NPAS4: variants seen among roughly 807,000 people sequenced by gnomAD.
The protein encoded by NPAS4 is neuronal PAS domain-containing protein 4.
In NPAS4, 10 loss-of-function variants were observed where a neutral mutation model predicts 64.0. The ratio of observed to expected loss-of-function variants is 0.16; its 90% CI spans 0.10 to 0.26. The LOEUF (loss-of-function observed/expected upper bound fraction) is 0.26, where lower values mean the gene tolerates loss of function less well. Among genes scored for constraint, NPAS4 ranks in the 10% least tolerant of loss-of-function variants. NPAS4 has a pLI of 1.00. For missense variants in NPAS4, 886 were observed against 992.6 expected, an observed-to-expected ratio of 0.89 and a Z score of 1.44; for synonymous variants, 441 against 411.7, an observed-to-expected ratio of 1.07 and a Z score of -0.86.
At chr11:66,423,532 G>C (rs1856787116) in intron 5 of NPAS4, 46 bp from the exon 6 acceptor site, 13 of 1,610,432 alleles carry the variant, frequency 8.1e-6, no homozygotes, top group Admixed American at 1.7e-5. Flanking sequence ...GGAGTAGGTA[G>C]AATTGCCTGG....
chr11:66,426,225 C>T lies in NPAS4; in HGVS notation c.*236C>T, dbSNP rs1459455912. The stretch of plus-strand genomic sequence containing the variant: ...GTTTCCATTTCAATCTGTATTCACT[C>T]GTAGTGAGTTTCCTTGAATGGGATT... On this transcript the variant is annotated 3_prime_UTR_variant, in exon 8 of 8. Coordinates refer to ENST00000311034, the MANE Select transcript of NPAS4 (RefSeq NM_178864.4). 2.1e-6 allele frequency: 1 copy of T among 479,776 alleles called. No individual in the cohort carries two copies. Among genetic ancestry groups the T allele is most frequent in the East Asian group, 3.4e-5 (1 of 29,082 alleles). The allele number at this position is 479,776 out of a possible 1,614,324, so 29.7% of individuals were successfully genotyped here.
chr11:66,426,103 A>G lies in NPAS4; in HGVS notation c.*114A>G, dbSNP rs1856835136. ...TTCTGAGGGCCAGAGGGGGATATATATGATTCCCCAGGCCCTGCAGGATTT... is the reference window on the plus strand; with the variant it reads ...TTCTGAGGGCCAGAGGGGGATATATGTGATTCCCCAGGCCCTGCAGGATTT... On this transcript the variant is annotated 3_prime_UTR_variant, in exon 8 of 8. Coordinates refer to ENST00000311034, the MANE Select transcript of NPAS4 (RefSeq NM_178864.4). The G allele has an allele frequency of 3.9e-6, 2 of 508,448 alleles. No homozygotes were observed. Among genetic ancestry groups the G allele is most frequent in the African/African-American group, 2.0e-5 (1 of 50,076 alleles). 31.5% of individuals were successfully genotyped at this position (508,448 alleles called of 1,614,324 possible).
At chr11:66,421,408 G>T in intron 1 of NPAS4, 54 bp downstream of exon 1, 1 of 1,555,340 alleles carries the variant, frequency 6.4e-7, no homozygotes, top group South Asian at 1.1e-5. Context: ...GGAGACCCTG[G>T]AGCTGAGGGA....
At chr11:66,415,020 A>G in the NPAS4 span, among the ~76,000 whole-genome samples, 1 of 152,108 alleles carries the variant, frequency 6.6e-6, no homozygotes, top group African/African-American at 2.4e-5. Flanking sequence ...ATATCCCACA[A>G]TACCTTCCTT....
At position 66,423,250 on chromosome 11, in the gene NPAS4, C is replaced by G; in HGVS notation, c.808+18C>G. On this transcript the variant is annotated intron_variant, in intron 5 of 7. Coordinates refer to ENST00000311034, the MANE Select transcript of NPAS4 (RefSeq NM_178864.4). ...CCGCCTGTGTGAGTGTCCAGAGAGG[C>G]TGGGGACAAGATAGCAAGCTGGGAA... The G allele has an allele frequency of 6.5e-7, 1 of 1,528,490 alleles. No individual in the cohort carries two copies. Among genetic ancestry groups the G allele is most frequent in the Non-Finnish European group, 9.0e-7 (1 of 1,109,698 alleles). The allele number at this position is 1,528,490 out of a possible 1,614,324, so 94.7% of individuals were successfully genotyped here. A position where few individuals can be genotyped will look rare whatever the true frequency, so the allele number is the denominator to read the frequency against.
In NPAS4 at chr11:66,426,144, GGGA is replaced by G; in HGVS notation, c.*158_*160del. 2.2e-6 allele frequency: 1 copy of G among 449,926 alleles called. No homozygotes were observed. The allele number at this position is 449,926 out of a possible 1,614,324, so 27.9% of individuals were successfully genotyped here. A position where few individuals can be genotyped will look rare whatever the true frequency, so the allele number is the denominator to read the frequency against. The stretch of plus-strand genomic sequence containing the variant: ...TGCAGGATTTTGGGGGGGGGGAGGT[GGGA>G]GGGCAAGGGAGGGGAGCTTCTTTTT... On this transcript the variant is annotated 3_prime_UTR_variant, in exon 8 of 8. Coordinates refer to ENST00000311034, the MANE Select transcript of NPAS4 (RefSeq NM_178864.4).
At chr11:66,419,144 G>A (rs111594301), upstream of NPAS4, among the ~76,000 whole-genome samples, 15 of 152,230 alleles carry the variant, frequency 9.9e-5, no homozygotes, top group African/African-American at 3.6e-4. Flanking sequence ...GAAGAAAGAA[G>A]CAACACAGAC....
chr11:66,426,164 C>T lies in NPAS4; in HGVS notation c.*175C>T. The T allele has an allele frequency of 1.7e-6, 1 of 577,284 alleles. No individual in the cohort carries two copies. 35.8% of individuals were successfully genotyped at this position (577,284 alleles called of 1,614,324 possible). A position where few individuals can be genotyped will look rare whatever the true frequency, so the allele number is the denominator to read the frequency against. On this transcript the variant is annotated 3_prime_UTR_variant, in exon 8 of 8. Coordinates refer to ENST00000311034, the MANE Select transcript of NPAS4 (RefSeq NM_178864.4). Reference sequence around the variant, plus strand: ...GAGGTGGGAGGGCAAGGGAGGGGAGCTTCTTTTTAAAATCAAGAGACTTCG... The same window carrying T: ...GAGGTGGGAGGGCAAGGGAGGGGAGTTTCTTTTTAAAATCAAGAGACTTCG...
rs1168188242 is a variant in NPAS4 at position 66,426,125 on chromosome 11, AT to A, written c.*140del. On this transcript the variant is annotated 3_prime_UTR_variant, in exon 8 of 8. Coordinates refer to ENST00000311034, the MANE Select transcript of NPAS4 (RefSeq NM_178864.4). ...TATATGATTCCCCAGGCCCTGCAGG[AT>A]TTTGGGGGGGGGGAGGTGGGAGGGC... is the stretch of plus-strand genomic sequence containing the variant. The A allele has an allele frequency of 3.0e-5, 10 of 328,146 alleles. No homozygotes were observed. Among genetic ancestry groups the A allele is most frequent in the African/African-American group, 1.0e-4 (4 of 40,156 alleles). The allele number at this position is 328,146 out of a possible 1,614,324, so 20.3% of individuals were successfully genotyped here.
chr11:66,419,831 C>T (rs1856712104), upstream of NPAS4, among the ~76,000 whole-genome samples: 2 of 152,162 alleles, frequency 1.3e-5, no homozygotes, highest in Non-Finnish European at 2.9e-5. Context: ...CTTAGAGGCG[C>T]AAATGTGGAG....
rs1438454537 is a variant in NPAS4 at position 66,425,988 on chromosome 11, G to C, written c.2408G>C (p.Ter803SerextTer4). The change falls in exon 8 of 8, where the codon TGA (stop) becomes TCA (serine). Residue 803 changes from the stop codon to serine (S), a stop_lost. Coordinates refer to ENST00000311034, the MANE Select transcript of NPAS4 (RefSeq NM_178864.4). ...EDGSGGEPTF[*>S] ...GGAAGTGGAGGGGAACCAACGTTTT[G>C]AATAAGTCTGTGACTTAACGTCGTC... 1.5e-5 allele frequency: 24 copies of C among 1,611,048 alleles called. No homozygotes were observed. Among genetic ancestry groups the C allele is most frequent in the African/African-American group, 2.7e-5 (2 of 74,832 alleles).
chr11:66,416,612 T>C (rs146120114), upstream of NPAS4, among the ~76,000 whole-genome samples: 148 of 152,316 alleles, frequency 9.7e-4, 1 homozygote, highest in African/African-American at 3.4e-3. Context: ...CACCACCAAT[T>C]GCATCAATGC....
rs2134649233 is a variant in NPAS4, at chr11:66,426,119, T to G, written c.*130T>G. ...GGGATATATATGATTCCCCAGGCCC[T>G]GCAGGATTTTGGGGGGGGGGAGGTG... On this transcript the variant is annotated 3_prime_UTR_variant, in exon 8 of 8. Transcript: ENST00000311034. 10 of 371,924 alleles carry G rather than the reference T, an allele frequency of 2.7e-5. No individual in the cohort carries two copies. The highest frequency in any genetic ancestry group is 7.3e-5 in the East Asian group (1 of 13,754). 23.0% of individuals were successfully genotyped at this position (371,924 alleles called of 1,614,324 possible).
chr11:66,421,136 G>A lies in NPAS4; in HGVS notation c.-44G>A, dbSNP rs948742034. ...GCCGCCGGTGCGTCGGGACGGGAGC[G>A]CAGGTGCTCGGGCACCCGAGCTGGA... is the stretch of plus-strand genomic sequence containing the variant. On this transcript the variant is annotated 5_prime_UTR_variant, in exon 1 of 8. Coordinates refer to ENST00000311034, the MANE Select transcript of NPAS4 (RefSeq NM_178864.4). The A allele has an allele frequency of 6.5e-6, 10 of 1,535,340 alleles. No homozygotes were observed. In the African/African-American group the frequency reaches 1.2e-4, roughly 19 times the overall value.
intron 7 of NPAS4, among the ~76,000 whole-genome samples, 162 bp from the exon 8 acceptor site, chr11:66,425,799 G>A (rs117404271): frequency 0.032 from 4,884 of 152,182 alleles, 139 homozygotes; most frequent in Admixed American, 0.047. Context: ...GTTTCACTCC[G>A]TCCATCCAAA....
chr11:66,423,401 T>G (rs1212933695), intron 5 of NPAS4, 169 bp downstream of exon 5: 1 of 839,176 alleles, frequency 1.2e-6, no homozygotes, highest in African/African-American at 1.7e-5. Flanking sequence ...AATAATCAAA[T>G]CAGAACTGGG....
At chr11:66,423,352 G>T (rs775542546) in intron 5 of NPAS4, 120 bp downstream of exon 5, 5 of 825,710 alleles carry the variant, frequency 6.1e-6, no homozygotes, top group Non-Finnish European at 2.0e-6. Flanking sequence ...CAACAGTTTC[G>T]GATGCTATAG....
At chr11:66,423,384 T>C in intron 5 of NPAS4, 152 bp downstream of exon 5, 1 of 807,842 alleles carries the variant, frequency 1.2e-6, no homozygotes, top group Non-Finnish European at 2.0e-6. Flanking sequence ...AGGTGAGGAT[T>C]CAAGGCAATA....
Position 66,425,232 on chromosome 11 carries a change from A to G in NPAS4, c.2342A>G (p.His781Arg). 6.6e-7 allele frequency: 1 copy of G among 1,524,966 alleles called. No individual in the cohort carries two copies. 94.5% of individuals were successfully genotyped at this position (1,524,966 alleles called of 1,614,324 possible). A position where few individuals can be genotyped will look rare whatever the true frequency, so the allele number is the denominator to read the frequency against. ...FPYDGFTDEL[H>R]QLQSQVQDSF... ...TATGATGGGTTTACTGATGAGTTGCATCAACTCCAGAGCCAAGTTCAAGAC... is the reference window on the plus strand; with the variant it reads ...TATGATGGGTTTACTGATGAGTTGCGTCAACTCCAGAGCCAAGTTCAAGAC... Residue 781 changes from histidine (H) to arginine (R), a missense_variant, in exon 7 of 8, where the codon CAT (histidine) becomes CGT (arginine). Around this residue, in one of 3 missense-constraint regions of NPAS4, gnomAD observed 28 missense variants for 57.0 expected, o/e 0.49. Transcript: ENST00000311034.
Sources: gnomAD v4.1 joint callset for allele counts (sites outside exome capture counted in the v4.1 genomes callset) on GRCh38, gnomAD v4.1.1 for gene constraint, gnomAD v4.1.1 regional missense constraint, MANE v1.5 for transcripts, NCBI Gene and HGNC (gene_info 2026-07-23, HGNC 2026-07-21) for gene names.